Variants in PARP8 observed in about 807,000 individuals in gnomAD.
PARP8 encodes protein mono-ADP-ribosyltransferase PARP8.
PARP8 carries 51 observed loss-of-function variants against 124.1 expected under a neutral mutation model. The observed-to-expected ratio is 0.41, with a 90% confidence interval of 0.33 to 0.52. The LOEUF is 0.52. Ranked by LOEUF, PARP8 falls within the 20% of genes least tolerant of loss-of-function variation. The probability of loss-of-function intolerance (pLI) is 0.21; values close to 1 mark genes in which losing one functional copy is unlikely to be tolerated. For synonymous variants in PARP8, 391 were observed against 361.5 expected, an observed-to-expected ratio of 1.08 and a Z score of -0.93; for missense variants, 860 against 1,018.9, an observed-to-expected ratio of 0.84 and a Z score of 2.12.
At chr5:50,826,293 T>G (rs1746343734) in intron 18 of PARP8, among the ~76,000 whole-genome samples, 1 of 152,038 alleles carries the variant, frequency 6.6e-6, no homozygotes, top group Admixed American at 6.6e-5. Context: ...TGTAAACCAT[T>G]GTATATATAT....
intron 7 of PARP8, among the ~76,000 whole-genome samples, chr5:50,769,121 T>G (rs1761340069): frequency 6.6e-6 from 1 of 152,126 alleles, no homozygotes; most frequent in Non-Finnish European, 1.5e-5. Context: ...AACCAAAAGG[T>G]CATTTAAGAC....
intron 7 of PARP8, among the ~76,000 whole-genome samples, chr5:50,769,068 C>T (rs1203142929): frequency 6.6e-6 from 1 of 152,172 alleles, no homozygotes; most frequent in Non-Finnish European, 1.5e-5. Context: ...TGCAACCCTT[C>T]ATTTCCTTTT....
intron 2 of PARP8, among the ~76,000 whole-genome samples, chr5:50,682,894 C>G (rs1046934910): frequency 2.6e-5 from 4 of 152,056 alleles, no homozygotes; most frequent in African/African-American, 7.2e-5. Flanking sequence ...TTCCCCCCTT[C>G]CTGAACTAAT....
rs77135506 is a variant in PARP8 at position 50,737,548 on chromosome 5, C to A, written c.147-12603C>A. On this transcript the variant is annotated intron_variant, in intron 2 of 25. Transcript: ENST00000281631. ...TATAGCTTAAAAAGAACTTCTTCAT[C>A]AATATGTTAGAAAATAGAATATTAA... is the stretch of plus-strand genomic sequence containing the variant. 7.5e-3 allele frequency among the ~76,000 whole-genome samples: 1,142 copies of A among 152,234 alleles called. 14 individuals are homozygous for A. The highest frequency in any genetic ancestry group is 0.026 in the African/African-American group (1,072 of 41,550).
At chr5:50,792,975 C>T (rs1742132498) in intron 10 of PARP8, among the ~76,000 whole-genome samples, 1 of 152,096 alleles carries the variant, frequency 6.6e-6, no homozygotes, top group South Asian at 2.1e-4. Flanking sequence ...ACATCTGTCC[C>T]TTTTGAATAG....
At chr5:50,715,010 G>C (rs546569653) in intron 2 of PARP8, among the ~76,000 whole-genome samples, 24 of 151,360 alleles carry the variant, frequency 1.6e-4, no homozygotes, top group Non-Finnish European at 3.2e-4. Flanking sequence ...GTGAATTTAT[G>C]CTTTTTTTTC....
At chr5:50,837,932 A>G (rs1264198008) in intron 25 of PARP8, among the ~76,000 whole-genome samples, 1 of 152,120 alleles carries the variant, frequency 6.6e-6, no homozygotes, top group Non-Finnish European at 1.5e-5. Flanking sequence ...GCCAATTCCT[A>G]GTTTCTAGAA....
chr5:50,800,434 G>T (rs1743073330), intron 14 of PARP8, among the ~76,000 whole-genome samples: 1 of 151,932 alleles, frequency 6.6e-6, no homozygotes, highest in South Asian at 2.1e-4. Context: ...CTTATCTAAT[G>T]TGCTTGACTA....
At chr5:50,737,222 C>T (rs1757558236) in intron 2 of PARP8, among the ~76,000 whole-genome samples, 1 of 152,072 alleles carries the variant, frequency 6.6e-6, no homozygotes, top group Admixed American at 6.5e-5. Flanking sequence ...GGCATTTATT[C>T]CACATATAAA....
intron 2 of PARP8, among the ~76,000 whole-genome samples, chr5:50,710,726 G>T (rs1754688901): frequency 6.6e-6 from 1 of 152,064 alleles, no homozygotes; most frequent in Non-Finnish European, 1.5e-5. Flanking sequence ...CCTTTTCAAA[G>T]TATCAATATT....
chr5:50,801,456 G>A (rs1743222505), intron 14 of PARP8, among the ~76,000 whole-genome samples: 1 of 152,008 alleles, frequency 6.6e-6, no homozygotes. Flanking sequence ...TAGAGGAATT[G>A]GTCCGTTTTG....
chr5:50,832,966 T>C (rs1331337859), intron 23 of PARP8, 112 bp downstream of exon 23: 1 of 895,826 alleles, frequency 1.1e-6, no homozygotes, highest in African/African-American at 1.7e-5. Flanking sequence ...AATGTGGTCA[T>C]TACTTATAAA....
At chr5:50,679,698 C>G (rs1206140656) in intron 2 of PARP8, among the ~76,000 whole-genome samples, 2 of 152,148 alleles carry the variant, frequency 1.3e-5, no homozygotes, top group Non-Finnish European at 2.9e-5. Flanking sequence ...AGAGGTGACA[C>G]TAGAATGAAG....
rs1393888237 is a variant in PARP8 at position 50,843,195 on chromosome 5, T to C, written c.*1127T>C. On this transcript the variant is annotated 3_prime_UTR_variant, in exon 26 of 26. Transcript: ENST00000281631. ...TTCCTTTTCAAGAGTCATAATTTCA[T>C]CAAAATCATTTCTTATTCTTTGAGT... 1 of 151,748 alleles carries C rather than the reference T, an allele frequency of 6.6e-6. No homozygotes were observed. Among genetic ancestry groups the C allele is most frequent in the Non-Finnish European group, 1.5e-5 (1 of 67,812 alleles). The allele number at this position is 151,748 out of a possible 1,614,324, so 9.4% of individuals were successfully genotyped here. A position where few individuals can be genotyped will look rare whatever the true frequency, so the allele number is the denominator to read the frequency against.
chr5:50,713,083 A>G (rs1307327485), intron 2 of PARP8, among the ~76,000 whole-genome samples: 1 of 152,026 alleles, frequency 6.6e-6, no homozygotes, highest in African/African-American at 2.4e-5. Flanking sequence ...TATTAGGTTT[A>G]GGTATATTAA....
At chr5:50,781,179 AT>A (rs1740628601) in intron 9 of PARP8, among the ~76,000 whole-genome samples, 2 of 151,930 alleles carry the variant, frequency 1.3e-5, no homozygotes, top group East Asian at 1.9e-4. Flanking sequence ...CACTGAGTGA[AT>A]TTTTTTCGTG....
chr5:50,761,617 CT>C (rs1269196348), intron 5 of PARP8, among the ~76,000 whole-genome samples: 1 of 151,912 alleles, frequency 6.6e-6, no homozygotes, highest in Non-Finnish European at 1.5e-5. Flanking sequence ...TGAAAGAGAA[CT>C]TTTAAAACAG....
intron 7 of PARP8, among the ~76,000 whole-genome samples, chr5:50,765,650 T>C (rs1760985526): frequency 6.6e-6 from 1 of 152,244 alleles, no homozygotes; most frequent in South Asian, 2.1e-4. Context: ...TCCTGCCTGC[T>C]CTAGATTTTC....
chr5:50,822,541 AGTGTACTAGCAT>A (rs2149703476), intron 17 of PARP8, 141 bp downstream of exon 17: 1 of 634,312 alleles, frequency 1.6e-6, no homozygotes, highest in East Asian at 2.7e-5. Context: ...AAATCACATC[AGTGTACTAGCAT>A]GTAACACTGT....
Sources: allele counts gnomAD v4.1 joint callset (sites outside exome capture counted in the v4.1 genomes callset), GRCh38; gene constraint gnomAD v4.1.1; transcripts MANE v1.5; gene names NCBI Gene and HGNC (gene_info 2026-07-23, HGNC 2026-07-21).